NRG2: variants seen among roughly 807,000 people sequenced by gnomAD.
NRG2 encodes the protein neuregulin 2, also known as pro-neuregulin-2, membrane-bound isoform.
In NRG2, 27 loss-of-function variants were observed where a neutral mutation model predicts 73.9. The ratio of observed to expected loss-of-function variants is 0.37; its 90% CI spans 0.27 to 0.50. NRG2 has a LOEUF of 0.50. NRG2 is among the 20% of genes least tolerant of loss of function. The pLI is 0.96. For synonymous variants in NRG2, 532 were observed against 541.0 expected, an observed-to-expected ratio of 0.98 and a Z score of 0.23; for missense variants, 1,126 against 1,210.1, an observed-to-expected ratio of 0.93 and a Z score of 1.03.
Position 139,905,293 on chromosome 5 carries a change from G to C in NRG2, c.701-17782C>G, listed in dbSNP as rs530057529. On this transcript the variant is annotated intron_variant, in intron 1 of 9. Transcript: ENST00000361474. ...GAGTCCTCCCTCCTGCCTGGGTGTG[G>C]TGCTGAAAGGGTTACATAGCAAAGG... 2.2e-4 allele frequency among the ~76,000 whole-genome samples: 34 copies of C among 152,344 alleles called. 1 individual carries two copies. In the East Asian group the frequency reaches 5.8e-3, roughly 26 times the overall value.
intron 1 of NRG2, among the ~76,000 whole-genome samples, chr5:139,901,106 C>T (rs975968150): frequency 6.6e-6 from 1 of 152,208 alleles, no homozygotes; most frequent in African/African-American, 2.4e-5. Context: ...CATCCGATTC[C>T]CCCAACCCAG....
intron 1 of NRG2, among the ~76,000 whole-genome samples, chr5:139,937,716 C>A (rs545639574): frequency 6.6e-6 from 1 of 152,032 alleles, no homozygotes; most frequent in African/African-American, 2.4e-5. Context: ...TATGACATAA[C>A]TGAAATGTAA....
At position 140,042,350 on chromosome 5, in the gene NRG2, A is replaced by G; in HGVS notation, c.700+20T>C. The G allele has an allele frequency of 7.6e-7, 1 of 1,313,242 alleles. No homozygotes were observed. Among genetic ancestry groups the G allele is most frequent in the South Asian group, 1.4e-5 (1 of 70,414 alleles). 81.3% of individuals were successfully genotyped at this position (1,313,242 alleles called of 1,614,324 possible). A position where few individuals can be genotyped will look rare whatever the true frequency, so the allele number is the denominator to read the frequency against. ...CTCGCCCCTCCCCCCTTTCTCCAGC[A>G]AAGGGAGGGGGCGACTCACCGCAGT... On this transcript the variant is annotated intron_variant, in intron 1 of 9. Coordinates refer to ENST00000361474, the MANE Select transcript of NRG2 (RefSeq NM_004883.3).
At chr5:140,013,044 C>T (rs979379325) in intron 1 of NRG2, among the ~76,000 whole-genome samples, 1 of 152,202 alleles carries the variant, frequency 6.6e-6, no homozygotes. Flanking sequence ...CTACTTCACA[C>T]CCTCTTTCTC....
chr5:139,943,199 T>A lies in NRG2; in HGVS notation c.701-55688A>T, dbSNP rs561289369. ...TCTTGCTCTGTCACCCAGGCTGGAG[T>A]GCAATGGCGCGATCTCGGCTCACTG... is the stretch of plus-strand genomic sequence containing the variant. On this transcript the variant is annotated intron_variant, in intron 1 of 9. Transcript: ENST00000361474. Among the ~76,000 whole-genome samples, 13 of 152,238 alleles carry A rather than the reference T, an allele frequency of 8.5e-5. No individual in the cohort carries two copies. The South Asian group carries it at 2.7e-3, about 32-fold the overall frequency.
intron 1 of NRG2, among the ~76,000 whole-genome samples, chr5:139,907,576 A>G (rs967339691): frequency 2.6e-5 from 4 of 152,176 alleles, no homozygotes; most frequent in Non-Finnish European, 5.9e-5. Flanking sequence ...GATGAAGACA[A>G]TTCTCCTGGG....
chr5:139,926,825 A>C (rs1200523466), intron 1 of NRG2, among the ~76,000 whole-genome samples: 2 of 151,740 alleles, frequency 1.3e-5, no homozygotes, highest in East Asian at 3.9e-4. Flanking sequence ...TTGAACCCCT[A>C]CTCCCTCCAT....
intron 1 of NRG2, among the ~76,000 whole-genome samples, chr5:140,024,803 G>A (rs189401552): frequency 8.4e-4 from 128 of 152,280 alleles, no homozygotes; most frequent in African/African-American, 3.0e-3. Flanking sequence ...CCAGCTTCAA[G>A]AAAGGAATTC....
chr5:139,853,288 T>G lies in NRG2; in HGVS notation c.1293-261A>C, dbSNP rs996610287. 1.3e-5 allele frequency among the ~76,000 whole-genome samples: 2 copies of G among 152,198 alleles called. No individual in the cohort carries two copies. Among genetic ancestry groups the G allele is most frequent in the African/African-American group, 4.8e-5 (2 of 41,446 alleles). ...GCTATGCAACCCCGGGCAAGTTACT[T>G]AAGCTCTTCACGTTTCACTTTCCTC... On this transcript the variant is annotated intron_variant, in intron 6 of 9. Coordinates refer to ENST00000361474, the MANE Select transcript of NRG2 (RefSeq NM_004883.3). The surrounding 1 kb of genome is among the most constrained non-coding windows in gnomAD (Gnocchi z 4.1).
At position 139,851,836 on chromosome 5, in the gene NRG2, G is replaced by C. The variant is rs1399174234; in HGVS notation, c.1545-5C>G. On this transcript the variant is annotated splice_polypyrimidine_tract_variant and splice_region_variant and intron_variant, in intron 8 of 9. Coordinates refer to ENST00000361474, the MANE Select transcript of NRG2 (RefSeq NM_004883.3). The surrounding 1 kb of genome is among the most constrained non-coding windows in gnomAD (Gnocchi z 4.2). ...CTCCACGTGTGGCTCTCGTGTCTGG[G>C]AAGGCCAGATGGGGTGAGACGAGGG... is the stretch of plus-strand genomic sequence containing the variant. The C allele has an allele frequency of 1.9e-6, 3 of 1,613,774 alleles. No homozygotes were observed. The African/African-American group carries it at 4.0e-5, about 22-fold the overall frequency.
chr5:139,992,087 C>A (rs1010052208), intron 1 of NRG2, among the ~76,000 whole-genome samples: 2 of 152,134 alleles, frequency 1.3e-5, no homozygotes, highest in Non-Finnish European at 2.9e-5. Flanking sequence ...GGAGAATTGT[C>A]ATCTTTATGA....
intron 1 of NRG2, among the ~76,000 whole-genome samples, chr5:139,922,308 C>A (rs1004800856): frequency 2.6e-5 from 4 of 152,064 alleles, no homozygotes; most frequent in Admixed American, 6.5e-5. Flanking sequence ...AGGTGCCTTA[C>A]CAAAGAAAAT....
chr5:139,967,384 TAC>T (rs924862873), intron 1 of NRG2, among the ~76,000 whole-genome samples: 4 of 152,186 alleles, frequency 2.6e-5, no homozygotes, highest in Non-Finnish European at 5.9e-5. Flanking sequence ...AGAGTCTCCG[TAC>T]TGAAGGACAA....
rs940762422 is a variant in NRG2 at position 139,904,635 on chromosome 5, C to G, written c.701-17124G>C. Among the ~76,000 whole-genome samples, 1 of 152,144 alleles carries G rather than the reference C, an allele frequency of 6.6e-6. No individual in the cohort carries two copies. Among genetic ancestry groups the G allele is most frequent in the African/African-American group, 2.4e-5 (1 of 41,442 alleles). On this transcript the variant is annotated intron_variant, in intron 1 of 9. Transcript: ENST00000361474. The surrounding 1 kb of genome is among the most constrained non-coding windows in gnomAD (Gnocchi z 6.0). The stretch of plus-strand genomic sequence containing the variant: ...GGCCGGTCTGGGCCCTAGGCCCCCT[C>G]CCTGGGCCCACCGAGGTAGGCAAGA...
At chr5:139,913,437 A>G (rs999386921) in intron 1 of NRG2, among the ~76,000 whole-genome samples, 5 of 152,176 alleles carry the variant, frequency 3.3e-5, no homozygotes, top group Non-Finnish European at 7.3e-5. Context: ...TGTCCAGTGG[A>G]GTACTTCCTT....
intron 1 of NRG2, among the ~76,000 whole-genome samples, chr5:139,897,213 T>C (rs1764602138): frequency 6.6e-6 from 1 of 152,210 alleles, no homozygotes; most frequent in Non-Finnish European, 1.5e-5. Flanking sequence ...TGCCCAGCAC[T>C]TGTATAACTA....
At position 139,931,503 on chromosome 5, in the gene NRG2, C is replaced by G. The variant is rs543923086; in HGVS notation, c.701-43992G>C. 2.0e-5 allele frequency among the ~76,000 whole-genome samples: 3 copies of G among 152,276 alleles called. No individual in the cohort carries two copies. In the East Asian group the frequency reaches 5.8e-4, roughly 29 times the overall value. On this transcript the variant is annotated intron_variant, in intron 1 of 9. Coordinates refer to ENST00000361474, the MANE Select transcript of NRG2 (RefSeq NM_004883.3). Reference sequence around the variant, plus strand: ...CTGGTCCGAGGCTACAAGGAAAATGCTGGGGCCAAGGTTAAAGAGTGAAGC... The same window carrying G: ...CTGGTCCGAGGCTACAAGGAAAATGGTGGGGCCAAGGTTAAAGAGTGAAGC...
At chr5:140,007,133 C>T (rs1758969864) in intron 1 of NRG2, among the ~76,000 whole-genome samples, 2 of 152,072 alleles carry the variant, frequency 1.3e-5, no homozygotes. Flanking sequence ...ACTAAATATC[C>T]TACAATGCCC....
intron 1 of NRG2, among the ~76,000 whole-genome samples, chr5:139,936,611 A>T (rs1402088619): frequency 6.6e-6 from 1 of 152,168 alleles, no homozygotes; most frequent in African/African-American, 2.4e-5. Flanking sequence ...TATGCAAACT[A>T]CTGCAGAAAA....
Sources: gnomAD v4.1 joint callset for allele counts (sites outside exome capture counted in the v4.1 genomes callset) on GRCh38, gnomAD v4.1.1 for gene constraint, Gnocchi (gnomAD v3.1) non-coding constraint, MANE v1.5 for transcripts, NCBI Gene and HGNC (gene_info 2026-07-23, HGNC 2026-07-21) for gene names.